The following KCNH8 variants were observed in gnomAD, a reference collection of about 807,000 sequenced individuals.
The protein encoded by KCNH8 is voltage-gated delayed rectifier potassium channel KCNH8.
Under a neutral mutation model 103.6 loss-of-function variants are expected in KCNH8, and 70 were observed. The ratio of observed to expected loss-of-function variants is 0.68; its 90% CI spans 0.56 to 0.82. The LOEUF is 0.82. Ranked by LOEUF, KCNH8 falls within the 40% of genes least tolerant of loss-of-function variation. The probability of loss-of-function intolerance (pLI) is 0.00; values close to 1 mark genes in which losing one functional copy is unlikely to be tolerated. For synonymous variants in KCNH8, 498 were observed against 489.4 expected, an observed-to-expected ratio of 1.02 and a Z score of -0.23; for missense variants, 1,217 against 1,329.9, an observed-to-expected ratio of 0.92 and a Z score of 1.32.
At chr3:19,285,245 T>C (rs1180571230) in intron 3 of KCNH8, among the ~76,000 whole-genome samples, 1 of 152,176 alleles carries the variant, frequency 6.6e-6, no homozygotes, top group East Asian at 1.9e-4. Flanking sequence ...AAAATATTTA[T>C]TGAGCAGCCA....
intron 11 of KCNH8, among the ~76,000 whole-genome samples, chr3:19,467,340 CAAAT>C (rs1297439981): frequency 1.3e-5 from 2 of 152,088 alleles, no homozygotes; most frequent in Admixed American, 1.3e-4. Flanking sequence ...TGCACACACA[CAAAT>C]ATATAACCAA....
intron 11 of KCNH8, among the ~76,000 whole-genome samples, chr3:19,510,127 A>G (rs945814355): frequency 1.3e-5 from 2 of 152,074 alleles, no homozygotes; most frequent in East Asian, 1.9e-4. Flanking sequence ...TCCTTTTCTC[A>G]TTACACACAC....
intron 15 of KCNH8, among the ~76,000 whole-genome samples, chr3:19,520,096 A>C (rs891361379): frequency 6.6e-6 from 1 of 150,784 alleles, no homozygotes; most frequent in African/African-American, 2.4e-5. Flanking sequence ...TTTTTAAATT[A>C]TACTTTAAGT....
intron 6 of KCNH8, among the ~76,000 whole-genome samples, chr3:19,394,477 GAGAGAGAGAA>G (rs1239218837): frequency 6.8e-6 from 1 of 146,464 alleles, no homozygotes; most frequent in Non-Finnish European, 1.5e-5. Context: ...AGAGAGCGCT[GAGAGAGAGAA>G]AGAGAGAGAG....
At chr3:19,238,181 G>A (rs574781833) in intron 1 of KCNH8, among the ~76,000 whole-genome samples, 134 of 152,272 alleles carry the variant, frequency 8.8e-4, no homozygotes, top group African/African-American at 3.1e-3. Context: ...GTAACAGCGA[G>A]ATCACCGTAT....
At chr3:19,224,827 T>A (rs2063911620) in intron 1 of KCNH8, among the ~76,000 whole-genome samples, 1 of 152,276 alleles carries the variant, frequency 6.6e-6, no homozygotes, top group Non-Finnish European at 1.5e-5. Context: ...TAGGTGTTAA[T>A]GAGTACTGTA....
chr3:19,357,718 C>G (rs1046040037), intron 5 of KCNH8, among the ~76,000 whole-genome samples: 3 of 151,788 alleles, frequency 2.0e-5, no homozygotes, highest in Admixed American at 2.0e-4. Context: ...TCTAAGAACT[C>G]TTCAGAAAGC....
intron 1 of KCNH8, among the ~76,000 whole-genome samples, chr3:19,209,079 T>C (rs933005831): frequency 4.7e-4 from 72 of 152,098 alleles, no homozygotes; most frequent in African/African-American, 1.7e-3. Context: ...AGTTCACATA[T>C]ATATTCATAT....
chr3:19,403,361 A>AATATAT (rs57523893), intron 7 of KCNH8, among the ~76,000 whole-genome samples: 1,613 of 124,074 alleles, frequency 0.013, 25 homozygotes, highest in Non-Finnish European at 0.015. Flanking sequence ...ATATGTAAAG[A>AATATAT]ATATATATAT....
At chr3:19,312,602 C>T (rs1257719150) in intron 3 of KCNH8, among the ~76,000 whole-genome samples, 3 of 151,936 alleles carry the variant, frequency 2.0e-5, no homozygotes, top group African/African-American at 7.2e-5. Flanking sequence ...TGGCCAATCA[C>T]AGCTTCTCGT....
intron 5 of KCNH8, among the ~76,000 whole-genome samples, chr3:19,365,740 A>G (rs1347147902): frequency 6.6e-6 from 1 of 152,100 alleles, no homozygotes; most frequent in Non-Finnish European, 1.5e-5. Context: ...AAACAAAACA[A>G]TTAATTTAAA....
intron 3 of KCNH8, among the ~76,000 whole-genome samples, chr3:19,295,527 A>G (rs1323427455): frequency 6.6e-6 from 1 of 152,184 alleles, no homozygotes; most frequent in East Asian, 1.9e-4. Flanking sequence ...ATTTACCTAG[A>G]CATTGGTATT....
chr3:19,155,956 C>A (rs2063177154), intron 1 of KCNH8, among the ~76,000 whole-genome samples: 1 of 152,174 alleles, frequency 6.6e-6, no homozygotes, highest in African/African-American at 2.4e-5. Context: ...GTAAATATTT[C>A]TTTGAGTAAA....
intron 1 of KCNH8, among the ~76,000 whole-genome samples, chr3:19,247,482 T>G (rs748895191): frequency 6.6e-6 from 1 of 152,182 alleles, no homozygotes; most frequent in Non-Finnish European, 1.5e-5. Flanking sequence ...TGAACCTGCA[T>G]GTAAAGGTAA....
intron 2 of KCNH8, among the ~76,000 whole-genome samples, chr3:19,258,685 C>T (rs961981321): frequency 2.0e-5 from 3 of 151,658 alleles, no homozygotes; most frequent in African/African-American, 7.3e-5. Flanking sequence ...CAGAATTTCA[C>T]CATGTAAGAA....
intron 11 of KCNH8, among the ~76,000 whole-genome samples, chr3:19,474,717 T>A (rs1457610932): frequency 6.6e-6 from 1 of 152,244 alleles, no homozygotes; most frequent in Non-Finnish European, 1.5e-5. Context: ...ATTCCACTTG[T>A]ATTTTCCACT....
intron 11 of KCNH8, among the ~76,000 whole-genome samples, chr3:19,487,138 G>A (rs1327065800): frequency 2.0e-5 from 3 of 152,164 alleles, no homozygotes; most frequent in African/African-American, 7.2e-5. Context: ...GGGAGTTCTT[G>A]AACCCTTGGG....
At chr3:19,338,002 G>GC (rs1228714396) in intron 3 of KCNH8, among the ~76,000 whole-genome samples, 6 of 151,662 alleles carry the variant, frequency 4.0e-5, no homozygotes, top group Non-Finnish European at 7.4e-5. Flanking sequence ...AGAGAGGCGG[G>GC]GGGGGGAGAA....
chr3:19,383,632 T>A (rs2125126369), intron 5 of KCNH8, among the ~76,000 whole-genome samples: 1 of 152,250 alleles, frequency 6.6e-6, no homozygotes, highest in African/African-American at 2.4e-5. Flanking sequence ...CTTGGCCTCT[T>A]AAAGAGCTGG....
Sources: gnomAD v4.1 joint callset for allele counts (sites outside exome capture counted in the v4.1 genomes callset) on GRCh38, gnomAD v4.1.1 for gene constraint, MANE v1.5 for transcripts, NCBI Gene and HGNC (gene_info 2026-07-23, HGNC 2026-07-21) for gene names.